The following CCDC146 variants were observed in gnomAD, a reference collection of about 807,000 sequenced individuals.
The protein encoded by CCDC146 is coiled-coil domain-containing protein 146.
A neutral mutation model predicts 119.3 loss-of-function variants in CCDC146; 92 were observed. That is an observed-to-expected ratio of 0.77 (90% CI 0.65 to 0.92). CCDC146 has a LOEUF of 0.92. Among genes scored for constraint, CCDC146 ranks in the 40% least tolerant of loss-of-function variants. The pLI, the probability that CCDC146 is intolerant of heterozygous loss-of-function variation, is 0.00. For missense variants in CCDC146, 1,000 were observed against 1,103.0 expected (o/e 0.91, Z 1.32); for synonymous variants, 372 against 371.8 (o/e 1.00, Z -0.01).
At chr7:77,166,036 A>G (rs2117480231) in intron 1 of CCDC146, among the ~76,000 whole-genome samples, 1 of 152,342 alleles carries the variant, frequency 6.6e-6, no homozygotes, top group South Asian at 2.1e-4. Context: ...AACAAGAAAG[A>G]CCATTTTAAA....
intron 17 of CCDC146, among the ~76,000 whole-genome samples, chr7:77,291,788 T>A (rs1793948132): frequency 1.3e-5 from 2 of 152,260 alleles, no homozygotes; most frequent in Non-Finnish European, 2.9e-5. Context: ...GCTCAGCTCA[T>A]GCATGTTTCT....
intron 2 of CCDC146, among the ~76,000 whole-genome samples, chr7:77,191,725 G>C (rs191640395): frequency 6.6e-6 from 1 of 151,978 alleles, no homozygotes; most frequent in South Asian, 2.1e-4. Context: ...TGGCTAACAC[G>C]GTGAAACCCA....
intron 2 of CCDC146, among the ~76,000 whole-genome samples, chr7:77,192,244 T>C (rs969490336): frequency 1.3e-5 from 2 of 152,196 alleles, no homozygotes; most frequent in Admixed American, 1.3e-4. Flanking sequence ...ATATATGTTC[T>C]AGGTGCTTTA....
intron 11 of CCDC146, among the ~76,000 whole-genome samples, chr7:77,278,551 T>A (rs1262145585): frequency 1.3e-5 from 2 of 148,424 alleles, no homozygotes; most frequent in Non-Finnish European, 3.0e-5. Flanking sequence ...GCTCGAGCGA[T>A]CCTCCCACCT....
intron 11 of CCDC146, among the ~76,000 whole-genome samples, chr7:77,277,051 G>A (rs574728680): frequency 1.3e-5 from 2 of 152,188 alleles, no homozygotes; most frequent in South Asian, 4.2e-4. Context: ...CAGCCTGGGT[G>A]ACAGAGCGAG....
intron 15 of CCDC146, among the ~76,000 whole-genome samples, chr7:77,284,072 C>G (rs1372146072): frequency 6.6e-6 from 1 of 152,204 alleles, no homozygotes; most frequent in Non-Finnish European, 1.5e-5. Context: ...AGCCTGCACA[C>G]ACAGTGCCTG....
intron 2 of CCDC146, chr7:77,199,505 G>C: frequency 6.2e-7 from 1 of 1,614,060 alleles, no homozygotes; most frequent in Non-Finnish European, 8.5e-7. Context: ...TTGCAGTCTT[G>C]GCAAGATTTC....
chr7:77,273,843 G>A, intron 10 of CCDC146, 54 bp downstream of exon 10: 2 of 1,232,402 alleles, frequency 1.6e-6, no homozygotes, highest in Non-Finnish European at 2.4e-6. Flanking sequence ...ATACAAAGTT[G>A]TGCTTTTAAC....
At chr7:77,213,622 G>A (rs1442991583) in intron 2 of CCDC146, among the ~76,000 whole-genome samples, 1 of 152,032 alleles carries the variant, frequency 6.6e-6, no homozygotes, top group African/African-American at 2.4e-5. Flanking sequence ...AACCCTCACT[G>A]CCCTCCCTCC....
chr7:77,264,457 C>T (rs1293884104), intron 9 of CCDC146, among the ~76,000 whole-genome samples: 1 of 152,180 alleles, frequency 6.6e-6, no homozygotes, highest in Non-Finnish European at 1.5e-5. Flanking sequence ...CAGGCTTTCA[C>T]TATGTTCGCC....
At chr7:77,134,629 G>A (rs1744212229) in intron 1 of CCDC146, among the ~76,000 whole-genome samples, 1 of 150,994 alleles carries the variant, frequency 6.6e-6, no homozygotes, top group African/African-American at 2.4e-5. Context: ...CCCTATGTCT[G>A]CCTGGGTTTT....
intron 1 of CCDC146, among the ~76,000 whole-genome samples, chr7:77,131,922 G>A (rs1024914235): frequency 6.6e-6 from 1 of 152,218 alleles, no homozygotes; most frequent in African/African-American, 2.4e-5. Flanking sequence ...GGTACTGCAT[G>A]AAAGAATTTA....
intron 2 of CCDC146, among the ~76,000 whole-genome samples, chr7:77,229,497 C>T (rs558362768): frequency 3.5e-4 from 53 of 152,108 alleles, no homozygotes; most frequent in African/African-American, 1.2e-3. Context: ...TTTTTATGTA[C>T]GGTGTAAGGA....
At chr7:77,182,671 G>A (rs977107097) in intron 2 of CCDC146, among the ~76,000 whole-genome samples, 2 of 152,038 alleles carry the variant, frequency 1.3e-5, no homozygotes, top group Non-Finnish European at 2.9e-5. Flanking sequence ...GATGGTGCAC[G>A]CCTGTAGTCC....
rs146076634 is a variant in CCDC146 at position 77,254,369 on chromosome 7, G to A, written c.450-137G>A. The A allele has an allele frequency of 7.1e-3, 4,029 of 568,312 alleles. 33 individuals are homozygous for A. Among genetic ancestry groups the A allele is most frequent in the Non-Finnish European group, 9.8e-3 (3,149 of 320,882 alleles). 35.2% of individuals were successfully genotyped at this position (568,312 alleles called of 1,614,324 possible). A position where few individuals can be genotyped will look rare whatever the true frequency, so the allele number is the denominator to read the frequency against. ...AATGCACCTGTGATTCAGGAAAGGT[G>A]TCATAAAGAATGGACACCAGGTTGC... On this transcript the variant is annotated intron_variant, in intron 4 of 18. Transcript: ENST00000285871.
At chr7:77,253,785 T>C (rs1379362191) in intron 4 of CCDC146, among the ~76,000 whole-genome samples, 1 of 152,172 alleles carries the variant, frequency 6.6e-6, no homozygotes, top group African/African-American at 2.4e-5. Context: ...GGCACCTCTA[T>C]GAGAAGATGA....
At chr7:77,277,820 A>G (rs545854856) in intron 11 of CCDC146, among the ~76,000 whole-genome samples, 1 of 132,914 alleles carries the variant, frequency 7.5e-6, no homozygotes, top group Non-Finnish European at 1.6e-5. Flanking sequence ...CCTTGAGAGA[A>G]GGCTGACAAA....
chr7:77,219,559 T>C (rs1562836885), intron 2 of CCDC146, among the ~76,000 whole-genome samples: 1 of 152,248 alleles, frequency 6.6e-6, no homozygotes, highest in Non-Finnish European at 1.5e-5. Context: ...ATAAGGTTGC[T>C]AACTGGTTCA....
At chr7:77,217,932 G>A (rs1391194326) in intron 2 of CCDC146, among the ~76,000 whole-genome samples, 2 of 152,212 alleles carry the variant, frequency 1.3e-5, no homozygotes, top group Admixed American at 1.3e-4. Context: ...GGAGCTTGCA[G>A]GACTGGAAGT....
Sources: allele counts gnomAD v4.1 joint callset (sites outside exome capture counted in the v4.1 genomes callset), GRCh38; gene constraint gnomAD v4.1.1; transcripts MANE v1.5; gene names NCBI Gene and HGNC (gene_info 2026-07-23, HGNC 2026-07-21).